The following CRTC3 variants were observed in gnomAD, a reference collection of about 807,000 sequenced individuals.
CRTC3 encodes the protein CREB-regulated transcription coactivator 3.
In CRTC3, 26 loss-of-function variants were observed where a neutral mutation model predicts 74.5. That is an observed-to-expected ratio of 0.35 (90% confidence interval 0.26 to 0.48). The LOEUF (loss-of-function observed/expected upper bound fraction) is 0.48. Ranked by LOEUF, CRTC3 falls within the 20% of genes least tolerant of loss-of-function variation. The pLI is 0.99. For synonymous variants in CRTC3, 377 were observed against 325.8 expected (o/e 1.16, Z -1.69); for missense variants, 760 against 787.3 (o/e 0.97, Z 0.41).
At chr15:90,570,357 C>T (rs1276458471) in intron 2 of CRTC3, among the ~76,000 whole-genome samples, 3 of 152,116 alleles carry the variant, frequency 2.0e-5, no homozygotes, top group South Asian at 2.1e-4. Flanking sequence ...TAAGAAGTCA[C>T]TTGTATCTCA....
intron 2 of CRTC3, among the ~76,000 whole-genome samples, chr15:90,550,768 C>A (rs1966854145): frequency 1.3e-5 from 2 of 151,962 alleles, no homozygotes; most frequent in African/African-American, 4.8e-5. Flanking sequence ...CCTTTGCTTT[C>A]CATGGAAGCC....
intron 2 of CRTC3, among the ~76,000 whole-genome samples, chr15:90,564,556 G>A (rs79400756): frequency 0.029 from 4,479 of 152,154 alleles, 203 homozygotes; most frequent in African/African-American, 0.099. Flanking sequence ...CAAAGGCCCC[G>A]AGACTAGTCC....
chr15:90,543,012 G>A (rs1596071152), intron 2 of CRTC3, among the ~76,000 whole-genome samples: 1 of 151,926 alleles, frequency 6.6e-6, no homozygotes, highest in African/African-American at 2.4e-5. Flanking sequence ...TTAAGGTGGT[G>A]TCCACCAGGC....
intron 3 of CRTC3, chr15:90,598,618 G>A: frequency 1.5e-6 from 1 of 679,962 alleles, no homozygotes; most frequent in East Asian, 2.7e-5. Flanking sequence ...AAATGAGATG[G>A]ACTATAAGAA....
intron 3 of CRTC3, among the ~76,000 whole-genome samples, chr15:90,601,676 A>G (rs551740764): frequency 6.6e-6 from 1 of 152,238 alleles, no homozygotes; most frequent in South Asian, 2.1e-4. Context: ...AATAAGTACC[A>G]GGAACCCACC....
At chr15:90,594,636 G>A (rs745752858) in intron 3 of CRTC3, 1 of 152,192 alleles carries the variant, frequency 6.6e-6, no homozygotes, top group Non-Finnish European at 1.5e-5. Context: ...GGGCACTCAT[G>A]TTTACTGAGC....
At chr15:90,538,569 C>T (rs893885645) in intron 1 of CRTC3, among the ~76,000 whole-genome samples, 1 of 152,092 alleles carries the variant, frequency 6.6e-6, no homozygotes, top group African/African-American at 2.4e-5. Context: ...GTCAGTGAGG[C>T]ACTGCGGGTA....
rs79714437 is a variant in CRTC3 at position 90,582,721 on chromosome 15, G to T, written c.232-10915G>T. ...CTATGCCATCCTGTAAATCCCCTGG[G>T]GGTACACATTCCTCTTTGGAGCCAA... On this transcript the variant is annotated intron_variant, in intron 2 of 14. Coordinates refer to ENST00000268184, the MANE Select transcript of CRTC3 (RefSeq NM_022769.5). 8.6e-3 allele frequency among the ~76,000 whole-genome samples: 1,305 copies of T among 152,220 alleles called. 45 individuals are homozygous for T. The East Asian group carries it at 0.12, about 14-fold the overall frequency.
At chr15:90,630,317 C>CTAAT (rs1397992943) in intron 11 of CRTC3, among the ~76,000 whole-genome samples, 2 of 152,152 alleles carry the variant, frequency 1.3e-5, no homozygotes, top group Non-Finnish European at 2.9e-5. Flanking sequence ...GACCTCTTCC[C>CTAAT]TAATTGTCTA....
intron 10 of CRTC3, among the ~76,000 whole-genome samples, chr15:90,628,477 T>C (rs910921647): frequency 6.6e-6 from 1 of 152,192 alleles, no homozygotes; most frequent in African/African-American, 2.4e-5. Flanking sequence ...CCAGGCCCTG[T>C]GCCAGGTGCT....
rs540205683 is a variant in CRTC3, at chr15:90,622,295, G to T, written c.749+2505G>T. Among the ~76,000 whole-genome samples the T allele has an allele frequency of 2.6e-5, 4 of 152,272 alleles. No individual in the cohort carries two copies. In the South Asian group the frequency reaches 8.3e-4, roughly 32 times the overall value. ...AAAGGAACCACCTGTATTTCTCCCA[G>T]CTGCAGAGGAATTGTGTGAACGTTA... On this transcript the variant is annotated intron_variant, in intron 9 of 14. Transcript: ENST00000268184.
chr15:90,542,770 A>G (rs569375351), intron 2 of CRTC3, among the ~76,000 whole-genome samples: 1 of 152,138 alleles, frequency 6.6e-6, no homozygotes, highest in South Asian at 2.1e-4. Flanking sequence ...TTTATTTTTG[A>G]CATTAATTCA....
chr15:90,612,562 C>T (rs1350687872), intron 6 of CRTC3, among the ~76,000 whole-genome samples: 1 of 151,934 alleles, frequency 6.6e-6, no homozygotes, highest in African/African-American at 2.4e-5. Flanking sequence ...AATAATTAAA[C>T]CTCGAGTGAC....
At chr15:90,586,366 T>C (rs1363842710) in intron 2 of CRTC3, among the ~76,000 whole-genome samples, 6 of 142,306 alleles carry the variant, frequency 4.2e-5, no homozygotes, top group African/African-American at 1.3e-4. Context: ...GAACTTCTTT[T>C]TTTTTTTTTT....
At chr15:90,607,952 T>A (rs1968267429) in intron 6 of CRTC3, among the ~76,000 whole-genome samples, 1 of 152,136 alleles carries the variant, frequency 6.6e-6, no homozygotes, top group Admixed American at 6.5e-5. Flanking sequence ...GTGGGCCTGC[T>A]GAGACTGAAC....
intron 2 of CRTC3, among the ~76,000 whole-genome samples, chr15:90,570,040 A>G (rs936542099): frequency 1.3e-5 from 2 of 152,240 alleles, no homozygotes; most frequent in Non-Finnish European, 2.9e-5. Context: ...ATGAAAAAAT[A>G]TATTACTATG....
At chr15:90,560,558 C>G (rs1237924218) in intron 2 of CRTC3, among the ~76,000 whole-genome samples, 1 of 152,230 alleles carries the variant, frequency 6.6e-6, no homozygotes, top group Non-Finnish European at 1.5e-5. Context: ...GTGGGGTTAA[C>G]TCCAGAGGCA....
At chr15:90,638,383 C>T in intron 11 of CRTC3, 63 bp from the exon 12 acceptor site, 1 of 1,415,234 alleles carries the variant, frequency 7.1e-7, no homozygotes, top group Non-Finnish European at 1.0e-6. Flanking sequence ...ATTTCCTAAT[C>T]CTAAAGGACT....
chr15:90,588,879 T>C (rs6416552), intron 2 of CRTC3, among the ~76,000 whole-genome samples: 131,103 of 152,184 alleles, frequency 0.86, 56,817 homozygotes, highest in Middle Eastern at 0.93. Flanking sequence ...GCAGCTCTTA[T>C]GTATGTAACA....
Sources: allele counts gnomAD v4.1 joint callset (sites outside exome capture counted in the v4.1 genomes callset), GRCh38; gene constraint gnomAD v4.1.1; transcripts MANE v1.5; gene names NCBI Gene and HGNC (gene_info 2026-07-23, HGNC 2026-07-21).